HOXB8: variants seen among roughly 807,000 people sequenced by gnomAD.
HOXB8 encodes homeobox protein Hox-B8.
HOXB8 carries 17 observed loss-of-function variants against 22.2 expected under a neutral mutation model. That is an observed-to-expected ratio of 0.77 (90% CI 0.53 to 1.15). The LOEUF is 1.15. Among genes scored for constraint, HOXB8 ranks in the 50% most tolerant of loss-of-function variants. The pLI, the probability that HOXB8 is intolerant of heterozygous loss-of-function variation, is 0.00. For missense variants in HOXB8, 287 were observed against 323.8 expected (o/e 0.89, Z 0.87); for synonymous variants, 156 against 144.6 (o/e 1.08, Z -0.57).
At chr17:48,613,746 C>A (rs1388307363) in intron 1 of HOXB8, among the ~76,000 whole-genome samples, 1 of 152,108 alleles carries the variant, frequency 6.6e-6, no homozygotes, top group Non-Finnish European at 1.5e-5. Context: ...GAGCCCCCTC[C>A]CCCGGTAACC....
In HOXB8 at chr17:48,614,485, A is replaced by T. The variant is rs1259327760; in HGVS notation, c.220T>A (p.Cys74Ser). The T allele has an allele frequency of 6.2e-6, 10 of 1,613,960 alleles. No homozygotes were observed. Among genetic ancestry groups the T allele is most frequent in the Non-Finnish European group, 7.6e-6 (9 of 1,179,934 alleles). ...GGGTCCCCGTGGCACGCCACGGCGC[A>T]CGGGTTCTGCTGGTAGGGAGCCGTG... ...LSTAPYQQNP[C>S]AVACHGDPGN... The change falls in exon 1 of 2, where the codon TGC becomes AGC. Residue 74 changes from cysteine (C) to serine (S), a missense_variant. Transcript: ENST00000239144. This position sits in a 1 kb window ranked among gnomAD's most constrained non-coding sequence, Gnocchi z 4.1.
rs112046402 is a variant in HOXB8 at position 48,613,261 on chromosome 17, G to C, written c.673C>G (p.Leu225Val). The C allele has an allele frequency of 4.6e-3, 7,376 of 1,613,810 alleles. 299 individuals are homozygous for C. In the African/African-American group the frequency reaches 0.086, roughly 19 times the overall value. The part of the protein sequence containing the change: ...CEQEELEKQK[L>V]ERAPEAADEG... ...TCCGCCGCCTCTGGGGCCCGCTCCAGCTTCTGTTTCTCCAGCTCCTCCTGC... is the reference window on the plus strand; with the variant it reads ...TCCGCCGCCTCTGGGGCCCGCTCCACCTTCTGTTTCTCCAGCTCCTCCTGC... Residue 225 changes from leucine (L) to valine (V), a missense_variant, in exon 2 of 2, where the codon CTG (leucine) becomes GTG (valine). This residue lies in a region of HOXB8 where 52 missense variants were observed against 54.8 expected (regional missense o/e 0.95). Coordinates refer to ENST00000239144, the MANE Select transcript of HOXB8 (RefSeq NM_024016.4).
Position 48,613,060 on chromosome 17 carries a change from G to A in HOXB8, c.*142C>T, listed in dbSNP as rs914714807. On this transcript the variant is annotated 3_prime_UTR_variant, in exon 2 of 2. Transcript: ENST00000239144. Reference sequence around the variant, plus strand: ...ACTACCACTAGCGGGGACTGGCGCGGCGGGGGACGCTGCGGTGGGAGGCCC... The same window carrying A: ...ACTACCACTAGCGGGGACTGGCGCGACGGGGGACGCTGCGGTGGGAGGCCC... 3.0e-6 allele frequency: 1 copy of A among 331,146 alleles called. No homozygotes were observed. Among genetic ancestry groups the A allele is most frequent in the Non-Finnish European group, 4.9e-6 (1 of 204,798 alleles). The allele number at this position is 331,146 out of a possible 1,614,324, so 20.5% of individuals were successfully genotyped here.
Position 48,614,172 on chromosome 17 carries a change from G to C in HOXB8, c.424+109C>G. The C allele has an allele frequency of 2.3e-6, 2 of 866,132 alleles. No individual in the cohort carries two copies. 53.7% of individuals were successfully genotyped at this position (866,132 alleles called of 1,614,324 possible). ...AAAGGGGAAAAGCGGCAGGCGATCG[G>C]AACGGAGCCGGCAAGTCTTCCAGAA... On this transcript the variant is annotated intron_variant, in intron 1 of 1. Coordinates refer to ENST00000239144, the MANE Select transcript of HOXB8 (RefSeq NM_024016.4). The surrounding 1 kb of genome is among the most constrained non-coding windows in gnomAD (Gnocchi z 4.1).
In HOXB8 at chr17:48,614,573, G is replaced by C; in HGVS notation, c.132C>G (p.Ser44Arg). 1 of 1,612,084 alleles carries C rather than the reference G, an allele frequency of 6.2e-7. No homozygotes were observed. The highest frequency in any genetic ancestry group is 8.5e-7 in the Non-Finnish European group (1 of 1,179,192). ...GCGACGGGTGCTGGAAGCTGCCGCC[G>C]CTGCTGGGACCGTACACCACGGTGG... ...GRPTVVYGPS[S>R]GGSFQHPSQI... The change falls in exon 1 of 2, where the codon AGC becomes AGG. Residue 44 changes from serine (S) to arginine (R), a missense_variant. Ser to Arg is a moderately radical substitution (Grantham distance 110). Coordinates refer to ENST00000239144, the MANE Select transcript of HOXB8 (RefSeq NM_024016.4). The surrounding 1 kb of genome is among the most constrained non-coding windows in gnomAD (Gnocchi z 4.1).
intron 1 of HOXB8, among the ~76,000 whole-genome samples, 189 bp from the exon 2 acceptor site, chr17:48,613,698 G>T (rs1247444051): frequency 6.6e-6 from 1 of 152,090 alleles, no homozygotes; most frequent in Non-Finnish European, 1.5e-5. Context: ...GGGGCGAGGG[G>T]GATTAGACAC....
Position 48,614,536 on chromosome 17 carries a change from ACTC to A in HOXB8, c.166_168del (p.Glu56del). The A allele has an allele frequency of 1.2e-6, 2 of 1,612,914 alleles. No homozygotes were observed. The highest frequency in any genetic ancestry group is 1.7e-6 in the Non-Finnish European group (2 of 1,179,632). ...GACAGCGACGACGGCCCGTGGTAGA[ACTC>A]CTGGATTTGCGACGGGTGCTGGAAG... On this transcript the variant is annotated inframe_deletion, in exon 1 of 2. Coordinates refer to ENST00000239144, the MANE Select transcript of HOXB8 (RefSeq NM_024016.4). This position sits in a 1 kb window ranked among gnomAD's most constrained non-coding sequence, Gnocchi z 4.1.
Position 48,614,286 on chromosome 17 carries a change from G to A in HOXB8, c.419C>T (p.Pro140Leu). ...SPTQLFPWMR[P>L]QAAAGRRRGR... is the part of the protein sequence containing the mutation. ...CGGCCCCGAGGCGAGCTCACCTTGC[G>A]GGCGCATCCAGGGGAAGAGCTGTGT... Residue 140 changes from proline to leucine, a missense_variant, in exon 1 of 2, where the codon CCG becomes CTG. Pro to Leu is a moderately conservative substitution (Grantham distance 98). Transcript: ENST00000239144. This position sits in a 1 kb window ranked among gnomAD's most constrained non-coding sequence, Gnocchi z 4.1. The A allele has an allele frequency of 6.6e-7, 1 of 1,510,476 alleles. No individual in the cohort carries two copies. The highest frequency in any genetic ancestry group is 8.8e-7 in the Non-Finnish European group (1 of 1,138,892). The allele number at this position is 1,510,476 out of a possible 1,614,324, so 93.6% of individuals were successfully genotyped here.
Position 48,613,509 on chromosome 17 carries a change from G to C in HOXB8, c.425C>G (p.Ala142Gly), listed in dbSNP as rs1028815329. 9 of 1,577,366 alleles carry C rather than the reference G, an allele frequency of 5.7e-6. No homozygotes were observed. Among genetic ancestry groups the C allele is most frequent in the Non-Finnish European group, 7.8e-6 (9 of 1,155,142 alleles). ...TCGGCCTCGCCTGCGTCCGGCGGCT[G>C]CTGGGAATGGGGGAAAGGGCGAGAC... ...TQLFPWMRPQ[A>G]AAGRRRGRQT... The change falls in exon 2 of 2, where the codon GCA (alanine) becomes GGA (glycine). Residue 142 changes from alanine to glycine, a missense_variant and splice_region_variant. Transcript: ENST00000239144.
chr17:48,614,606 G>T lies in HOXB8; in HGVS notation c.99C>A (p.Gly33=). The T allele has an allele frequency of 6.2e-7, 1 of 1,609,744 alleles. No homozygotes were observed. The highest frequency in any genetic ancestry group is 1.1e-5 in the South Asian group (1 of 90,618). Reference sequence around the variant, plus strand: ...GACCGTACACCACGGTGGGTCGGCCGCCCAGGTCCTGGGCGAAGCCGCAGT... The same window carrying T: ...GACCGTACACCACGGTGGGTCGGCCTCCCAGGTCCTGGGCGAAGCCGCAGT... The part of the protein sequence containing the change: ...YYDCGFAQDL[G]GRPTVVYGPS... Residue 33 remains glycine, a synonymous_variant, in exon 1 of 2, where the codon GGC becomes GGA. Transcript: ENST00000239144. The surrounding 1 kb of genome is among the most constrained non-coding windows in gnomAD (Gnocchi z 4.1).
chr17:48,613,649 C>CGGGGG (rs375874402), intron 1 of HOXB8, 140 bp from the exon 2 acceptor site: 4 of 307,686 alleles, frequency 1.3e-5, no homozygotes, highest in African/African-American at 1.3e-4. Flanking sequence ...CGTGCGGGGG[C>CGGGGG]GGGGGGGGCG....
At position 48,614,586 on chromosome 17, in the gene HOXB8, T is replaced by C; in HGVS notation, c.119A>G (p.Tyr40Cys). 1 of 1,611,490 alleles carries C rather than the reference T, an allele frequency of 6.2e-7. No homozygotes were observed. The highest frequency in any genetic ancestry group is 8.5e-7 in the Non-Finnish European group (1 of 1,178,934). The change falls in exon 1 of 2, where the codon TAC becomes TGC. Residue 40 changes from tyrosine (Y) to cysteine (C), a missense_variant. Tyr to Cys is a radical substitution (Grantham distance 194). Coordinates refer to ENST00000239144, the MANE Select transcript of HOXB8 (RefSeq NM_024016.4). The surrounding 1 kb of genome is among the most constrained non-coding windows in gnomAD (Gnocchi z 4.1). ...GAAGCTGCCGCCGCTGCTGGGACCG[T>C]ACACCACGGTGGGTCGGCCGCCCAG... ...QDLGGRPTVV[Y>C]GPSSGGSFQH...
Position 48,614,447 on chromosome 17 carries a change from G to A in HOXB8, c.258C>T (p.Tyr86=), listed in dbSNP as rs2303484. Residue 86 remains tyrosine (Y), a synonymous_variant, in exon 1 of 2, where the codon TAC becomes TAT. Coordinates refer to ENST00000239144, the MANE Select transcript of HOXB8 (RefSeq NM_024016.4). The surrounding 1 kb of genome is among the most constrained non-coding windows in gnomAD (Gnocchi z 4.1). ...TCTGGCGTTGCAGCGGGTCGTAGCC[G>A]TAGAAATTGCCGGGGTCCCCGTGGC... ...VACHGDPGNF[Y]GYDPLQRQSL... 480 of 1,613,972 alleles carry A rather than the reference G, an allele frequency of 3.0e-4. 7 individuals carry two copies. In the East Asian group the frequency reaches 0.011, roughly 36 times the overall value.
rs2070711993 is a variant in HOXB8 at position 48,615,244 on chromosome 17, C to CTA, written c.-541_-540insTA. On this transcript the variant is annotated 5_prime_UTR_variant, in exon 1 of 2. Transcript: ENST00000239144. ...GAGGGTGAGAGCGAGAGAGAGCGAGCGAGAGAGAGAGCTAGAGCGAGAGAG... is the reference window on the plus strand; with the variant it reads ...GAGGGTGAGAGCGAGAGAGAGCGAGCTAGAGAGAGAGAGCTAGAGCGAGAGAG... Among the ~76,000 whole-genome samples the CTA allele has an allele frequency of 7.1e-6, 1 of 140,198 alleles. No homozygotes were observed. The highest frequency in any genetic ancestry group is 1.5e-5 in the Non-Finnish European group (1 of 65,642). The allele number at this position is 140,198 out of a possible 152,430, so 92.0% of individuals were successfully genotyped here.
chr17:48,614,333 G>T lies in HOXB8; in HGVS notation c.372C>A (p.Gly124=), dbSNP rs200695320. The change falls in exon 1 of 2, where the codon GGC becomes GGA. Residue 124 remains glycine (G), a synonymous_variant. Transcript: ENST00000239144. This position sits in a 1 kb window ranked among gnomAD's most constrained non-coding sequence, Gnocchi z 4.1. ...AASGLGEEAE[G]SEQSPSPTQL... The stretch of plus-strand genomic sequence containing the variant: ...GTGTGGGCGACGGGCTCTGCTCGGA[G>T]CCCTCGGCCTCCTCGCCCAGGCCGC... 1.3e-6 allele frequency: 2 copies of T among 1,590,012 alleles called. No individual in the cohort carries two copies. The highest frequency in any genetic ancestry group is 8.5e-7 in the Non-Finnish European group (1 of 1,173,940).
chr17:48,613,595 G>A (rs1367804494), intron 1 of HOXB8, 86 bp from the exon 2 acceptor site: 2 of 966,722 alleles, frequency 2.1e-6, no homozygotes, highest in East Asian at 5.7e-5. Context: ...ATTCGTGAAC[G>A]AGCCTGGGAG....
rs2070700124 is a variant in HOXB8, at chr17:48,614,517, G to A, written c.188C>T (p.Ser63Leu). Residue 63 changes from serine to leucine, a missense_variant, in exon 1 of 2, where the codon TCG becomes TTG. Physicochemically the swap from Ser to Leu is moderately radical, Grantham distance 145. Transcript: ENST00000239144. The surrounding 1 kb of genome is among the most constrained non-coding windows in gnomAD (Gnocchi z 4.1). ...QIQEFYHGPS[S>L]LSTAPYQQNP... is the part of the protein sequence containing the mutation. The stretch of plus-strand genomic sequence containing the variant: ...CTGCTGGTAGGGAGCCGTGGACAGC[G>A]ACGACGGCCCGTGGTAGAACTCCTG... The A allele has an allele frequency of 6.2e-7, 1 of 1,613,934 alleles. No homozygotes were observed. The highest frequency in any genetic ancestry group is 8.5e-7 in the Non-Finnish European group (1 of 1,179,942).
Position 48,614,591 on chromosome 17 carries a change from C to T in HOXB8, c.114G>A (p.Val38=). 1.1e-5 allele frequency: 18 copies of T among 1,610,972 alleles called. No individual in the cohort carries two copies. The highest frequency in any genetic ancestry group is 1.4e-5 in the Non-Finnish European group (16 of 1,178,684). Residue 38 remains valine (V), a synonymous_variant, in exon 1 of 2, where the codon GTG becomes GTA. Coordinates refer to ENST00000239144, the MANE Select transcript of HOXB8 (RefSeq NM_024016.4). The surrounding 1 kb of genome is among the most constrained non-coding windows in gnomAD (Gnocchi z 4.1). ...FAQDLGGRPT[V]VYGPSSGGSF... ...TGCCGCCGCTGCTGGGACCGTACACCACGGTGGGTCGGCCGCCCAGGTCCT... is the reference window on the plus strand; with the variant it reads ...TGCCGCCGCTGCTGGGACCGTACACTACGGTGGGTCGGCCGCCCAGGTCCT...
rs1229061007 is a variant in HOXB8 at position 48,615,192 on chromosome 17, G to C, written c.-488C>G. Among the ~76,000 whole-genome samples, 1 of 151,194 alleles carries C rather than the reference G, an allele frequency of 6.6e-6. No homozygotes were observed. The highest frequency in any genetic ancestry group is 1.5e-5 in the Non-Finnish European group (1 of 67,876). ...GACCCCGCATCCTATTGGCTTCTTC[G>C]TACTCCTCCCGGACAGAACGCAGAG... is the stretch of plus-strand genomic sequence containing the variant. On this transcript the variant is annotated 5_prime_UTR_variant, in exon 1 of 2. Transcript: ENST00000239144.
Sources: gnomAD v4.1 joint callset for allele counts (sites outside exome capture counted in the v4.1 genomes callset) on GRCh38, gnomAD v4.1.1 for gene constraint, gnomAD v4.1.1 regional missense constraint, Gnocchi (gnomAD v3.1) non-coding constraint, MANE v1.5 for transcripts, NCBI Gene and HGNC (gene_info 2026-07-23, HGNC 2026-07-21) for gene names.